DSCAM: variants seen among roughly 807,000 people sequenced by gnomAD.
The protein encoded by DSCAM is cell adhesion molecule DSCAM.
DSCAM carries 47 observed loss-of-function variants against 217.7 expected under a neutral mutation model. The ratio of observed to expected loss-of-function variants is 0.22; its 90% CI spans 0.17 to 0.28. DSCAM has a LOEUF of 0.28. Among genes scored for constraint, DSCAM ranks in the 10% least tolerant of loss-of-function variants. The pLI is 1.00. For missense variants in DSCAM, 2,080 were observed against 2,618.3 expected, an observed-to-expected ratio of 0.79 and a Z score of 4.49; for synonymous variants, 1,056 against 1,015.3, an observed-to-expected ratio of 1.04 and a Z score of -0.76.
chr21:40,719,402 C>T (rs796176349), intron 1 of DSCAM, among the ~76,000 whole-genome samples: 21 of 152,258 alleles, frequency 1.4e-4, no homozygotes, highest in Admixed American at 3.9e-4. Context: ...TTAGCCTCTA[C>T]TAAAGGGAAC....
At chr21:40,225,210 C>T (rs1158331417) in intron 11 of DSCAM, among the ~76,000 whole-genome samples, 3 of 152,178 alleles carry the variant, frequency 2.0e-5, no homozygotes, top group Admixed American at 6.5e-5. Flanking sequence ...TACACATATG[C>T]GTACTTGTAT....
At chr21:40,598,596 C>T (rs993007924) in intron 3 of DSCAM, among the ~76,000 whole-genome samples, 1 of 146,878 alleles carries the variant, frequency 6.8e-6, no homozygotes, top group Non-Finnish European at 1.5e-5. Context: ...CCTCCGCCTC[C>T]TGGGTTCAAG....
At chr21:40,612,312 A>G (rs1282775055) in intron 3 of DSCAM, among the ~76,000 whole-genome samples, 2 of 152,274 alleles carry the variant, frequency 1.3e-5, no homozygotes, top group African/African-American at 4.8e-5. Context: ...TGAGATCTCC[A>G]AGTTCGGGTC....
In DSCAM at chr21:40,507,197, AAC is replaced by A. The variant is rs2076216970; in HGVS notation, c.509-137954_509-137953del. Among the ~76,000 whole-genome samples the A allele has an allele frequency of 3.9e-5, 6 of 152,138 alleles. No homozygotes were observed. The South Asian group carries it at 1.2e-3, about 32-fold the overall frequency. ...GAAGCTGAGGCAGGAGAATTGCTTA[AAC>A]CCTGGAGGCAGAGGTTGCAGTGAGC... On this transcript the variant is annotated intron_variant, in intron 3 of 32. Coordinates refer to ENST00000400454, the MANE Select transcript of DSCAM (RefSeq NM_001389.5).
intron 3 of DSCAM, among the ~76,000 whole-genome samples, chr21:40,659,300 G>A (rs1307822545): frequency 2.0e-5 from 3 of 152,176 alleles, no homozygotes; most frequent in Non-Finnish European, 4.4e-5. Context: ...AGCAAATGCA[G>A]AATCCCACAC....
rs2073681196 is a variant in DSCAM at position 40,275,990 on chromosome 21, C to T, written c.2356+107G>A. 2.4e-6 allele frequency: 3 copies of T among 1,225,740 alleles called. No homozygotes were observed. The South Asian group carries it at 7.1e-5, about 29-fold the overall frequency. The allele number at this position is 1,225,740 out of a possible 1,614,324, so 75.9% of individuals were successfully genotyped here. On this transcript the variant is annotated intron_variant, in intron 11 of 32. Transcript: ENST00000400454. ...CAGCTATATCACACCAACGGGTCTT[C>T]TTTTGTGTTGCTTTTAAACAGGTAT...
intron 8 of DSCAM, among the ~76,000 whole-genome samples, chr21:40,321,046 A>C (rs2074253886): frequency 6.6e-6 from 1 of 152,256 alleles, no homozygotes; most frequent in Admixed American, 6.5e-5. Context: ...TACACATTAC[A>C]AAATTGAATT....
At chr21:40,221,856 G>A (rs1054961519) in intron 11 of DSCAM, among the ~76,000 whole-genome samples, 1 of 152,118 alleles carries the variant, frequency 6.6e-6, no homozygotes, top group African/African-American at 2.4e-5. Context: ...AACCATTGAG[G>A]GTGTGCGTTT....
At chr21:40,760,784 T>G (rs953447330) in intron 1 of DSCAM, among the ~76,000 whole-genome samples, 1 of 152,210 alleles carries the variant, frequency 6.6e-6, no homozygotes, top group African/African-American at 2.4e-5. Flanking sequence ...CTACAGCTCA[T>G]GGACTGTGCC....
At chr21:40,426,174 G>A (rs2145885477) in intron 3 of DSCAM, among the ~76,000 whole-genome samples, 1 of 152,330 alleles carries the variant, frequency 6.6e-6, no homozygotes, top group East Asian at 1.9e-4. Flanking sequence ...ATTGTCAGGG[G>A]CTTGTGCCCT....
intron 3 of DSCAM, among the ~76,000 whole-genome samples, chr21:40,636,593 C>CCT (rs1226300225): frequency 6.6e-6 from 1 of 151,960 alleles, no homozygotes; most frequent in African/African-American, 2.4e-5. Context: ...GTCCCTCTAA[C>CCT]ATAGAAAAAT....
chr21:40,757,288 G>A lies in DSCAM; in HGVS notation c.44-48517C>T, dbSNP rs542119710. On this transcript the variant is annotated intron_variant, in intron 1 of 32. Transcript: ENST00000400454. ...GATCCACCCGTCTCGGCCTCCCAAAGTGCTGGGATTACAGGCGTAAGCCAT... is the reference window on the plus strand; with the variant it reads ...GATCCACCCGTCTCGGCCTCCCAAAATGCTGGGATTACAGGCGTAAGCCAT... Among the ~76,000 whole-genome samples, 14 of 152,306 alleles carry A rather than the reference G, an allele frequency of 9.2e-5. No individual in the cohort carries two copies. The East Asian group carries it at 2.5e-3, about 27-fold the overall frequency.
At chr21:40,281,630 T>G (rs1014990605) in intron 10 of DSCAM, among the ~76,000 whole-genome samples, 3 of 152,200 alleles carry the variant, frequency 2.0e-5, no homozygotes, top group African/African-American at 7.2e-5. Context: ...GAGGGTTAAT[T>G]TTTTCCTCAT....
At chr21:40,523,885 C>T (rs2076379521) in intron 3 of DSCAM, among the ~76,000 whole-genome samples, 1 of 152,134 alleles carries the variant, frequency 6.6e-6, no homozygotes, top group Admixed American at 6.5e-5. Context: ...TCACCACAGC[C>T]TGCCTGTCTG....
At chr21:40,020,716 A>G (rs1018870455) in intron 32 of DSCAM, among the ~76,000 whole-genome samples, 4 of 152,140 alleles carry the variant, frequency 2.6e-5, no homozygotes, top group African/African-American at 9.7e-5. Flanking sequence ...TGCCCTGCTC[A>G]CCTACCTGCC....
At chr21:40,564,581 C>G (rs1325999051) in intron 3 of DSCAM, among the ~76,000 whole-genome samples, 1 of 152,096 alleles carries the variant, frequency 6.6e-6, no homozygotes, top group African/African-American at 2.4e-5. Flanking sequence ...TCGCCTGGAT[C>G]CTGCCAACCC....
chr21:40,717,686 T>C (rs1481803722), intron 1 of DSCAM, among the ~76,000 whole-genome samples: 2 of 152,228 alleles, frequency 1.3e-5, no homozygotes, highest in Non-Finnish European at 2.9e-5. Context: ...ATAGGAGGGT[T>C]TCTTTTGAAG....
In DSCAM at chr21:40,016,485, G is replaced by A. The variant is rs540001155; in HGVS notation, c.5687-3099C>T. Among the ~76,000 whole-genome samples, 16 of 152,320 alleles carry A rather than the reference G, an allele frequency of 1.1e-4. 1 individual carries two copies. The highest frequency in any genetic ancestry group is 5.8e-4 in the East Asian group (3 of 5,178). ...TAGTAGGTATTTTTATCATAGAAACGTAGCTCTAGGATGACTCACTGCTCG... is the reference window on the plus strand; with the variant it reads ...TAGTAGGTATTTTTATCATAGAAACATAGCTCTAGGATGACTCACTGCTCG... On this transcript the variant is annotated intron_variant, in intron 32 of 32. Transcript: ENST00000400454. This position sits in a 1 kb window ranked among gnomAD's most constrained non-coding sequence, Gnocchi z 4.3.
At chr21:40,667,630 G>A (rs1260299192) in intron 3 of DSCAM, among the ~76,000 whole-genome samples, 2 of 151,834 alleles carry the variant, frequency 1.3e-5, no homozygotes, top group Admixed American at 6.5e-5. Flanking sequence ...ATTGAATCAT[G>A]GGGGCAGTTA....
Sources: gnomAD v4.1 joint callset for allele counts (sites outside exome capture counted in the v4.1 genomes callset) on GRCh38, gnomAD v4.1.1 for gene constraint, Gnocchi (gnomAD v3.1) non-coding constraint, MANE v1.5 for transcripts, NCBI Gene and HGNC (gene_info 2026-07-23, HGNC 2026-07-21) for gene names.